CHRM3: variants seen among roughly 807,000 people sequenced by gnomAD.
CHRM3 encodes cholinergic receptor muscarinic 3, also known as muscarinic acetylcholine receptor M3.
CHRM3 carries 11 observed loss-of-function variants against 41.8 expected under a neutral mutation model. That is an observed-to-expected ratio of 0.26 (90% CI 0.17 to 0.44). The LOEUF is 0.44. Among genes scored for constraint, CHRM3 ranks in the 20% least tolerant of loss-of-function variants. The pLI is 1.00. For missense variants in CHRM3, 571 were observed against 745.4 expected (o/e 0.77, Z 2.72); for synonymous variants, 297 against 301.4 (o/e 0.99, Z 0.15).
chr1:239,737,848 C>G (rs1468293986), intron 5 of CHRM3, among the ~76,000 whole-genome samples: 4 of 152,050 alleles, frequency 2.6e-5, no homozygotes, highest in Admixed American at 2.0e-4. Flanking sequence ...CTCAGAGAGT[C>G]AACAACTGAA....
chr1:239,596,580 A>G (rs1664802588), intron 3 of CHRM3, among the ~76,000 whole-genome samples: 1 of 152,206 alleles, frequency 6.6e-6, no homozygotes, highest in Non-Finnish European at 1.5e-5. Flanking sequence ...TATTTCAAAG[A>G]TAAGTATATA....
intron 2 of CHRM3, among the ~76,000 whole-genome samples, chr1:239,500,416 T>A (rs1026157088): frequency 1.5e-5 from 2 of 134,954 alleles, no homozygotes; most frequent in Non-Finnish European, 3.0e-5. Flanking sequence ...AATTGAACAA[T>A]GAGAAGACTT....
chr1:239,463,659 T>G (rs1234460943), intron 1 of CHRM3, among the ~76,000 whole-genome samples: 1 of 152,190 alleles, frequency 6.6e-6, no homozygotes, highest in Non-Finnish European at 1.5e-5. Flanking sequence ...ACTGTTAACA[T>G]TTAGGTATTT....
chr1:239,467,635 T>TA (rs1199774792), intron 1 of CHRM3, among the ~76,000 whole-genome samples: 1 of 152,140 alleles, frequency 6.6e-6, no homozygotes, highest in Non-Finnish European at 1.5e-5. Flanking sequence ...CACAGATATT[T>TA]AAAAAATGGG....
chr1:239,602,842 AG>A (rs1665772636), intron 3 of CHRM3, among the ~76,000 whole-genome samples: 1 of 152,218 alleles, frequency 6.6e-6, no homozygotes, highest in African/African-American at 2.4e-5. Context: ...TAAGTGTACA[AG>A]TGTACAGTTC....
At chr1:239,717,070 T>C (rs1018330391) in intron 5 of CHRM3, among the ~76,000 whole-genome samples, 1 of 152,056 alleles carries the variant, frequency 6.6e-6, no homozygotes, top group Non-Finnish European at 1.5e-5. Context: ...TGAATAAAGT[T>C]ACCATGAGTA....
At chr1:239,639,491 G>A (rs1213634078) in intron 4 of CHRM3, among the ~76,000 whole-genome samples, 3 of 152,168 alleles carry the variant, frequency 2.0e-5, no homozygotes, top group Non-Finnish European at 4.4e-5. Flanking sequence ...TCCCTAGTAA[G>A]TTGGATTCTT....
At chr1:239,555,800 A>G (rs1002385122) in intron 3 of CHRM3, among the ~76,000 whole-genome samples, 1 of 152,124 alleles carries the variant, frequency 6.6e-6, no homozygotes, top group Non-Finnish European at 1.5e-5. Context: ...GTTTTCCTCT[A>G]CCCTACCACC....
intron 4 of CHRM3, among the ~76,000 whole-genome samples, chr1:239,648,391 A>G (rs1287047181): frequency 6.6e-6 from 1 of 152,184 alleles, no homozygotes; most frequent in Non-Finnish European, 1.5e-5. Context: ...CCTCTCAGAT[A>G]AAGGCAGCTC....
intron 4 of CHRM3, among the ~76,000 whole-genome samples, chr1:239,661,608 G>A (rs941081615): frequency 6.6e-6 from 1 of 152,316 alleles, no homozygotes; most frequent in East Asian, 1.9e-4. Context: ...TCTGGAAAAG[G>A]CAAAACTGTG....
intron 5 of CHRM3, among the ~76,000 whole-genome samples, chr1:239,784,961 T>C (rs1668777353): frequency 6.6e-6 from 1 of 152,226 alleles, no homozygotes; most frequent in Admixed American, 6.5e-5. Context: ...TACCAAATTG[T>C]TAATTAAAAA....
rs149846338 is a variant in CHRM3, at chr1:239,767,367, A to T, written c.-146-59885A>T. On this transcript the variant is annotated intron_variant, in intron 5 of 6. Transcript: ENST00000676153. ...CCTCCATTTTTTTGCTCCAGAGGAA[A>T]GGAGGGGATGCAATTCAAAGACAAA... Among the ~76,000 whole-genome samples, 980 of 152,292 alleles carry T rather than the reference A, an allele frequency of 6.4e-3. 10 individuals are homozygous for T. Among genetic ancestry groups the T allele is most frequent in the African/African-American group, 0.022 (916 of 41,556 alleles).
chr1:239,859,565 C>G (rs1424684069), intron 6 of CHRM3, among the ~76,000 whole-genome samples: 2 of 151,278 alleles, frequency 1.3e-5, no homozygotes, highest in East Asian at 3.9e-4. Context: ...CAGGCATGCA[C>G]TACGATGCTC....
chr1:239,599,428 GTTTT>G (rs34882749), intron 3 of CHRM3, among the ~76,000 whole-genome samples: 2 of 138,482 alleles, frequency 1.4e-5, no homozygotes, highest in South Asian at 2.3e-4. Context: ...TCTGTTTACT[GTTTT>G]TTTTTTTTTT....
intron 6 of CHRM3, among the ~76,000 whole-genome samples, chr1:239,864,503 G>GTTT (rs1675912261): frequency 2.7e-5 from 4 of 149,538 alleles, no homozygotes; most frequent in Admixed American, 6.7e-5. Context: ...GCGAAACTCC[G>GTTT]TCTCAAAACA....
At chr1:239,636,337 C>T (rs1208747064) in intron 4 of CHRM3, among the ~76,000 whole-genome samples, 8 of 152,102 alleles carry the variant, frequency 5.3e-5, no homozygotes, top group African/African-American at 1.4e-4. Context: ...AAAAATATCC[C>T]GTGAAACAAA....
At chr1:239,479,625 G>A (rs1005418579) in intron 1 of CHRM3, among the ~76,000 whole-genome samples, 6 of 152,170 alleles carry the variant, frequency 3.9e-5, no homozygotes, top group African/African-American at 1.4e-4. Flanking sequence ...TATAAACCTA[G>A]GCTATGTGTT....
At chr1:239,874,759 C>T (rs1346032130) in intron 6 of CHRM3, among the ~76,000 whole-genome samples, 1 of 151,428 alleles carries the variant, frequency 6.6e-6, no homozygotes, top group African/African-American at 2.4e-5. Context: ...AGTGCAATGG[C>T]GTGATCTCGG....
chr1:239,829,272 T>C (rs370764859), intron 6 of CHRM3, among the ~76,000 whole-genome samples: 1 of 152,152 alleles, frequency 6.6e-6, no homozygotes, highest in African/African-American at 2.4e-5. Context: ...GAAAAACCGC[T>C]AGCTTTGCAA....
Sources: gnomAD v4.1 joint callset for allele counts (sites outside exome capture counted in the v4.1 genomes callset) on GRCh38, gnomAD v4.1.1 for gene constraint, MANE v1.5 for transcripts, NCBI Gene and HGNC (gene_info 2026-07-23, HGNC 2026-07-21) for gene names.